SATB2: variants seen among roughly 807,000 people sequenced by gnomAD.
SATB2 encodes the protein SATB homeobox 2.
In SATB2, 1 loss-of-function variant was observed where a neutral mutation model predicts 73.4. That is an observed-to-expected ratio of 0.01 (90% CI 0.00 to 0.06). The LOEUF is 0.06. Ranked by LOEUF, SATB2 falls within the 10% of genes least tolerant of loss-of-function variation. The probability of loss-of-function intolerance (pLI) is 1.00; values close to 1 mark genes in which losing one functional copy is unlikely to be tolerated. For missense variants in SATB2, 459 were observed against 945.8 expected (o/e 0.49, Z 6.75); for synonymous variants, 397 against 367.0 (o/e 1.08, Z -0.93).
chr2:199,420,847 T>C (rs1479342972), intron 3 of SATB2, among the ~76,000 whole-genome samples: 1 of 152,254 alleles, frequency 6.6e-6, no homozygotes, highest in African/African-American at 2.4e-5. Context: ...TGTATACTTA[T>C]TTAATTATGA....
intron 3 of SATB2, among the ~76,000 whole-genome samples, chr2:199,403,328 T>C (rs1440695079): frequency 4.0e-5 from 6 of 150,160 alleles, no homozygotes; most frequent in Non-Finnish European, 5.9e-5. Flanking sequence ...TTGTATAATA[T>C]TGTATATTGT....
At chr2:199,377,336 C>G (rs868673717) in intron 5 of SATB2, among the ~76,000 whole-genome samples, 4 of 152,254 alleles carry the variant, frequency 2.6e-5, no homozygotes, top group South Asian at 2.1e-4. Context: ...TGAGATCGTG[C>G]CACTACACTT....
chr2:199,379,125 T>C (rs147446188), intron 5 of SATB2, among the ~76,000 whole-genome samples: 1,726 of 152,306 alleles, frequency 0.011, 37 homozygotes, highest in African/African-American at 0.039. Context: ...GGTTCATTTC[T>C]ACAGCAGCCC....
chr2:199,349,982 C>T (rs1024069056), intron 6 of SATB2, among the ~76,000 whole-genome samples: 3 of 152,068 alleles, frequency 2.0e-5, no homozygotes, highest in African/African-American at 7.2e-5. Flanking sequence ...AGACAGTCAC[C>T]TCATAGCCAA....
At chr2:199,358,397 T>C (rs1207162527) in intron 6 of SATB2, among the ~76,000 whole-genome samples, 3 of 151,676 alleles carry the variant, frequency 2.0e-5, no homozygotes, top group Non-Finnish European at 2.9e-5. Context: ...AACGAACAAA[T>C]AAAACTACCA....
upstream of SATB2, chr2:199,458,576 C>CT (rs1212543961): frequency 4.7e-6 from 2 of 426,508 alleles, no homozygotes; most frequent in Non-Finnish European, 9.3e-6. Context: ...CGCCCAGCCC[C>CT]TAGGCGCACT....
In SATB2 at chr2:199,323,835, G is replaced by C; in HGVS notation, c.1510C>G (p.Leu504Val). The change falls in exon 9 of 11, where the codon CTG (leucine) becomes GTG (valine). Residue 504 changes from leucine to valine, a missense_variant. By Grantham distance (32) the Leu-to-Val change is conservative (BLOSUM62 1). Coordinates refer to ENST00000417098, the MANE Select transcript of SATB2 (RefSeq NM_001172509.2). ...EMKRAKVSQA[L>V]FAKVAANKSQ... ...TTATTTGCAGCCACTTTGGCAAACA[G>C]GGCTTGAGACACCTTGGCCCTTTTC... 1 of 1,613,466 alleles carries C rather than the reference G, an allele frequency of 6.2e-7. No individual in the cohort carries two copies. Among genetic ancestry groups the C allele is most frequent in the Non-Finnish European group, 8.5e-7 (1 of 1,179,638 alleles).
rs372830951 is a variant in SATB2 at position 199,323,508 on chromosome 2, C to CACACACACATATAT, written c.1542+294_1542+295insATATATGTGTGTGT. 2.8e-4 allele frequency among the ~76,000 whole-genome samples: 41 copies of CACACACACATATAT among 144,356 alleles called. 2 individuals carry two copies. The East Asian group carries it at 4.7e-3, about 16-fold the overall frequency. 94.7% of individuals were successfully genotyped at this position (144,356 alleles called of 152,430 possible). A position where few individuals can be genotyped will look rare whatever the true frequency, so the allele number is the denominator to read the frequency against. On this transcript the variant is annotated intron_variant, in intron 9 of 10. Coordinates refer to ENST00000417098, the MANE Select transcript of SATB2 (RefSeq NM_001172509.2). ...ACACACACACACACACACACACACA[C>CACACACACATATAT]ATATATAAAGGGAGAGAAACAAAAG... is the stretch of plus-strand genomic sequence containing the variant.
chr2:199,321,315 C>T (rs1687879623), intron 9 of SATB2, among the ~76,000 whole-genome samples: 2 of 150,590 alleles, frequency 1.3e-5, no homozygotes, highest in Admixed American at 1.3e-4. Context: ...ATATACACGT[C>T]TATGTATAGA....
rs560740665 is a variant in SATB2 at position 199,308,162 on chromosome 2, G to C, written c.1740+598C>G. 6.6e-6 allele frequency among the ~76,000 whole-genome samples: 1 copy of C among 152,242 alleles called. No homozygotes were observed. The highest frequency in any genetic ancestry group is 1.9e-4 in the East Asian group (1 of 5,178). On this transcript the variant is annotated intron_variant, in intron 10 of 10. Coordinates refer to ENST00000417098, the MANE Select transcript of SATB2 (RefSeq NM_001172509.2). This position sits in a 1 kb window ranked among gnomAD's most constrained non-coding sequence, Gnocchi z 4.6. ...AAAGCAATATTATTTCTCTCAATGA[G>C]AGCAAAAACTAAGCCAACAAAACAC...
At chr2:199,415,860 G>A (rs751054917) in intron 3 of SATB2, among the ~76,000 whole-genome samples, 6 of 152,124 alleles carry the variant, frequency 3.9e-5, no homozygotes, top group Admixed American at 6.5e-5. Context: ...AGACTTCTGC[G>A]AGTATCCTCC....
At chr2:199,320,152 G>A (rs557849395) in intron 9 of SATB2, among the ~76,000 whole-genome samples, 19 of 152,056 alleles carry the variant, frequency 1.2e-4, no homozygotes, top group African/African-American at 4.6e-4. Flanking sequence ...TGGGGCATTC[G>A]CTCCCTGGTG....
upstream of SATB2, chr2:199,470,097 A>G (rs1352685835): frequency 6.6e-6 from 1 of 152,308 alleles, no homozygotes; most frequent in Non-Finnish European, 1.5e-5. Flanking sequence ...GGGAATCAAG[A>G]TTGTGTGGCT....
At chr2:199,427,622 T>C (rs926956790) in intron 3 of SATB2, among the ~76,000 whole-genome samples, 2 of 151,698 alleles carry the variant, frequency 1.3e-5, no homozygotes, top group Non-Finnish European at 2.9e-5. Flanking sequence ...GGGTGAGAAG[T>C]GGGTAGGGAA....
At chr2:199,334,360 T>A (rs1161474498) in intron 7 of SATB2, among the ~76,000 whole-genome samples, 15 of 152,180 alleles carry the variant, frequency 9.9e-5, no homozygotes, top group Non-Finnish European at 1.5e-5. Flanking sequence ...CAGAACATGT[T>A]AGTGAAAATG....
Position 199,348,687 on chromosome 2 carries a change from A to T in SATB2, c.1173+14T>A. 6.4e-7 allele frequency: 1 copy of T among 1,552,114 alleles called. No homozygotes were observed. The highest frequency in any genetic ancestry group is 8.7e-7 in the Non-Finnish European group (1 of 1,143,426). On this transcript the variant is annotated intron_variant, in intron 7 of 10. Coordinates refer to ENST00000417098, the MANE Select transcript of SATB2 (RefSeq NM_001172509.2). The stretch of plus-strand genomic sequence containing the variant: ...AGTATTACTGTTAATTACAGTGTTT[A>T]ATGCTAATTGTACCTGTGTGCGGTT...
At chr2:199,378,143 C>T (rs1689659078) in intron 5 of SATB2, among the ~76,000 whole-genome samples, 1 of 152,146 alleles carries the variant, frequency 6.6e-6, no homozygotes, top group Non-Finnish European at 1.5e-5. Flanking sequence ...GCTCTTGGCT[C>T]CTGATCTGGA....
intron 2 of SATB2, among the ~76,000 whole-genome samples, chr2:199,453,494 A>C: frequency 6.6e-6 from 1 of 152,096 alleles, no homozygotes; most frequent in East Asian, 1.9e-4. Context: ...AGAATGGTAG[A>C]AATATAATCT....
At chr2:199,436,154 C>G (rs79140447) in intron 2 of SATB2, among the ~76,000 whole-genome samples, 4,397 of 152,196 alleles carry the variant, frequency 0.029, 232 homozygotes, top group African/African-American at 0.1. Flanking sequence ...TACTTAGAAA[C>G]TATAAATCTT....
Sources: gnomAD v4.1 joint callset for allele counts (sites outside exome capture counted in the v4.1 genomes callset) on GRCh38, gnomAD v4.1.1 for gene constraint, Gnocchi (gnomAD v3.1) non-coding constraint, MANE v1.5 for transcripts, NCBI Gene and HGNC (gene_info 2026-07-23, HGNC 2026-07-21) for gene names.